Variants in MIPOL1 observed in about 807,000 individuals in gnomAD.
The protein encoded by MIPOL1 is mirror-image polydactyly gene 1 protein.
MIPOL1 carries 57 observed loss-of-function variants against 60.9 expected under a neutral mutation model. The ratio of observed to expected loss-of-function variants is 0.94; its 90% CI spans 0.76 to 1.17. The LOEUF (loss-of-function observed/expected upper bound fraction) is 1.17. Among genes scored for constraint, MIPOL1 ranks in the 50% most tolerant of loss-of-function variants. The probability of loss-of-function intolerance (pLI) is 0.00; values close to 1 mark genes in which losing one functional copy is unlikely to be tolerated. For synonymous variants in MIPOL1, 179 were observed against 168.8 expected, an observed-to-expected ratio of 1.06 and a Z score of -0.47; for missense variants, 551 against 511.6, an observed-to-expected ratio of 1.08 and a Z score of -0.74.
Position 37,485,881 on chromosome 14 carries a change from T to C in MIPOL1, c.1032-14027T>C, listed in dbSNP as rs180768990. ...TTGGCTTTTGTTGCCATTGCTTTAG[T>C]TGTTTTAGTCATGAAGTCTTTGCCC... On this transcript the variant is annotated intron_variant, in intron 11 of 12. Transcript: ENST00000684589. Among the ~76,000 whole-genome samples the C allele has an allele frequency of 1.2e-3, 188 of 152,120 alleles. 2 individuals are homozygous for C. The South Asian group carries it at 0.025, about 20-fold the overall frequency.
At chr14:37,234,449 T>C (rs1349427741) in intron 1 of MIPOL1, among the ~76,000 whole-genome samples, 1 of 147,622 alleles carries the variant, frequency 6.8e-6, no homozygotes, top group Non-Finnish European at 1.5e-5. Context: ...CCTTGGCATC[T>C]CAACGTGCTG....
At chr14:37,366,339 A>G (rs923803289) in intron 9 of MIPOL1, among the ~76,000 whole-genome samples, 19 of 151,648 alleles carry the variant, frequency 1.3e-4, no homozygotes, top group African/African-American at 3.1e-4. Flanking sequence ...CCTGTAGTCA[A>G]TGTTGTGTTT....
chr14:37,472,861 A>T (rs1014033705), intron 11 of MIPOL1, among the ~76,000 whole-genome samples: 25 of 152,174 alleles, frequency 1.6e-4, no homozygotes, highest in African/African-American at 4.6e-4. Context: ...AGTTTTCCAT[A>T]AAACCCAATA....
chr14:37,374,791 T>G (rs866177644), intron 10 of MIPOL1, among the ~76,000 whole-genome samples: 8 of 152,178 alleles, frequency 5.3e-5, no homozygotes, highest in Non-Finnish European at 7.4e-5. Flanking sequence ...TACTGTAGCC[T>G]CGTATAGTTT....
chr14:37,225,636 CG>C (rs1362196130), intron 1 of MIPOL1, among the ~76,000 whole-genome samples: 1 of 152,062 alleles, frequency 6.6e-6, no homozygotes, highest in African/African-American at 2.4e-5. Flanking sequence ...CATAGGCCTC[CG>C]GGTCTGCAGT....
At chr14:37,263,786 G>C (rs2153381553) in intron 3 of MIPOL1, among the ~76,000 whole-genome samples, 1 of 152,252 alleles carries the variant, frequency 6.6e-6, no homozygotes, top group East Asian at 1.9e-4. Flanking sequence ...ACACTAAAGT[G>C]GATTACTAAA....
chr14:37,507,518 A>C (rs937284232), intron 12 of MIPOL1: 8 of 152,268 alleles, frequency 5.3e-5, no homozygotes, highest in Non-Finnish European at 1.2e-4. Flanking sequence ...AAAACCAAAC[A>C]CCACATGCTT....
At chr14:37,293,722 G>T (rs983258888) in intron 7 of MIPOL1, among the ~76,000 whole-genome samples, 2 of 152,166 alleles carry the variant, frequency 1.3e-5, no homozygotes, top group Non-Finnish European at 2.9e-5. Context: ...CAGCACAGTA[G>T]TCTGAGATCA....
intron 1 of MIPOL1, among the ~76,000 whole-genome samples, chr14:37,227,492 G>A (rs535860602): frequency 6.6e-6 from 1 of 152,138 alleles, no homozygotes; most frequent in African/African-American, 2.4e-5. Flanking sequence ...GTGTGTGTTT[G>A]TGTGTGTGTA....
Position 37,495,254 on chromosome 14 carries a change from A to G in MIPOL1, c.1032-4654A>G, listed in dbSNP as rs1216272670. 7.6e-5 allele frequency among the ~76,000 whole-genome samples: 11 copies of G among 145,068 alleles called. No individual in the cohort carries two copies. The East Asian group carries it at 2.4e-3, about 31-fold the overall frequency. On this transcript the variant is annotated intron_variant, in intron 11 of 12. Coordinates refer to ENST00000684589, the MANE Select transcript of MIPOL1 (RefSeq NM_001388067.1). The stretch of plus-strand genomic sequence containing the variant: ...ACTAACTCGTCATCTAGCATTAGGT[A>G]TATCTCCCAATGCTATCCCTCCCCC...
chr14:37,427,797 G>A (rs1409624670), intron 11 of MIPOL1, among the ~76,000 whole-genome samples: 1 of 152,084 alleles, frequency 6.6e-6, no homozygotes, highest in Non-Finnish European at 1.5e-5. Flanking sequence ...CCTGGTAAAT[G>A]GTGCTTACAA....
In MIPOL1 at chr14:37,469,423, T is replaced by G. The variant is rs138647799; in HGVS notation, c.1032-30485T>G. Among the ~76,000 whole-genome samples, 20 of 152,220 alleles carry G rather than the reference T, an allele frequency of 1.3e-4. No individual in the cohort carries two copies. The East Asian group carries it at 3.5e-3, about 27-fold the overall frequency. On this transcript the variant is annotated intron_variant, in intron 11 of 12. Coordinates refer to ENST00000684589, the MANE Select transcript of MIPOL1 (RefSeq NM_001388067.1). ...CCAAGGAGTGGTACTAAACCATTCATGAGAAACCACCCCCATTATCTAATC... is the reference window on the plus strand; with the variant it reads ...CCAAGGAGTGGTACTAAACCATTCAGGAGAAACCACCCCCATTATCTAATC...
At chr14:37,243,216 C>A (rs188671977) in intron 1 of MIPOL1, among the ~76,000 whole-genome samples, 145 of 152,128 alleles carry the variant, frequency 9.5e-4, no homozygotes, top group African/African-American at 3.2e-3. Flanking sequence ...CCACTATTAT[C>A]CCTTATCCTT....
intron 11 of MIPOL1, among the ~76,000 whole-genome samples, chr14:37,432,869 G>A (rs1448151383): frequency 6.6e-6 from 1 of 152,052 alleles, no homozygotes; most frequent in Non-Finnish European, 1.5e-5. Context: ...AATGTGGGAC[G>A]CTTAGGATTA....
At chr14:37,279,753 T>G (rs1457834321) in intron 6 of MIPOL1, among the ~76,000 whole-genome samples, 1 of 152,150 alleles carries the variant, frequency 6.6e-6, no homozygotes, top group Non-Finnish European at 1.5e-5. Context: ...TCAGTCTGAT[T>G]AACGTATTCA....
intron 1 of MIPOL1, among the ~76,000 whole-genome samples, chr14:37,207,470 C>T (rs183938501): frequency 0.014 from 2,194 of 152,224 alleles, 25 homozygotes; most frequent in Non-Finnish European, 0.02. Context: ...GACAACTACA[C>T]TATTCATTAA....
chr14:37,274,731 A>C (rs777046442), intron 6 of MIPOL1, among the ~76,000 whole-genome samples: 11 of 151,316 alleles, frequency 7.3e-5, no homozygotes, highest in Non-Finnish European at 1.2e-4. Flanking sequence ...TTAAAAATCT[A>C]CTATAGGTTG....
chr14:37,374,949 A>C (rs547277765), intron 10 of MIPOL1, among the ~76,000 whole-genome samples: 5 of 152,174 alleles, frequency 3.3e-5, no homozygotes, highest in Non-Finnish European at 7.3e-5. Flanking sequence ...TGGCGATAGC[A>C]TTGAATCTAT....
At chr14:37,487,319 C>T (rs2094963563) in intron 11 of MIPOL1, among the ~76,000 whole-genome samples, 1 of 152,010 alleles carries the variant, frequency 6.6e-6, no homozygotes, top group African/African-American at 2.4e-5. Flanking sequence ...TTGTCTCTGC[C>T]ACGTTTTGGT....
Sources: gnomAD v4.1 joint callset for allele counts (sites outside exome capture counted in the v4.1 genomes callset) on GRCh38, gnomAD v4.1.1 for gene constraint, MANE v1.5 for transcripts, NCBI Gene and HGNC (gene_info 2026-07-23, HGNC 2026-07-21) for gene names.